Variants in OLFML2B observed in about 807,000 individuals in gnomAD.
OLFML2B encodes the protein olfactomedin like 2B, also known as olfactomedin-like protein 2B.
OLFML2B carries 57 observed loss-of-function variants against 74.9 expected under a neutral mutation model. That is an observed-to-expected ratio of 0.76 (90% CI 0.61 to 0.95). The LOEUF is 0.95. Ranked by LOEUF, OLFML2B falls within the 40% of genes least tolerant of loss-of-function variation. OLFML2B has a pLI of 0.00. For synonymous variants in OLFML2B, 388 were observed against 405.8 expected (o/e 0.96, Z 0.53); for missense variants, 986 against 970.6 (o/e 1.02, Z -0.21).
Position 161,998,318 on chromosome 1 carries a change from C to T in OLFML2B, c.981G>A (p.Val327=). Residue 327 remains valine, a synonymous_variant, in exon 6 of 8, where the codon GTG becomes GTA. Coordinates refer to ENST00000294794, the MANE Select transcript of OLFML2B (RefSeq NM_015441.3). ...QDEFFSGDNG[V]DLLIEDQLLR... is the part of the protein sequence containing the mutation. ...GGAGCTGATCTTCAATCAGCAAATC[C>T]ACTCCATTGTCACCGCTGAAAAACT... 1 of 1,573,978 alleles carries T rather than the reference C, an allele frequency of 6.4e-7. No individual in the cohort carries two copies. Among genetic ancestry groups the T allele is most frequent in the Non-Finnish European group, 8.7e-7 (1 of 1,154,164 alleles).
rs763070359 is a variant in OLFML2B at position 161,984,251 on chromosome 1, G to C, written c.1677C>G (p.Leu559=). ...KQGRWSNSYK[L]PYSWIGTGHV... is the part of the protein sequence containing the mutation. ...GGCCTGTGCCGATCCAGCTGTACGG[G>C]AGCTTGTAGGAATTGCTCCAGCGAC... Residue 559 remains leucine (L), a synonymous_variant, in exon 8 of 8, where the codon CTC becomes CTG. Coordinates refer to ENST00000294794, the MANE Select transcript of OLFML2B (RefSeq NM_015441.3). 1 of 1,522,352 alleles carries C rather than the reference G, an allele frequency of 6.6e-7. No individual in the cohort carries two copies. The highest frequency in any genetic ancestry group is 1.4e-5 in the African/African-American group (1 of 72,004). The allele number at this position is 1,522,352 out of a possible 1,614,324, so 94.3% of individuals were successfully genotyped here. A position where few individuals can be genotyped will look rare whatever the true frequency, so the allele number is the denominator to read the frequency against.
rs1456559671 is a variant in OLFML2B, at chr1:162,000,191, A to G, written c.871T>C (p.Ser291Pro). 6.2e-7 allele frequency: 1 copy of G among 1,613,616 alleles called. No homozygotes were observed. Among genetic ancestry groups the G allele is most frequent in the African/African-American group, 1.3e-5 (1 of 75,010 alleles). Residue 291 changes from serine to proline, a missense_variant, in exon 5 of 8, where the codon TCC becomes CCC. Coordinates refer to ENST00000294794, the MANE Select transcript of OLFML2B (RefSeq NM_015441.3). Reference sequence around the variant, plus strand: ...ATGCCCCGGATGACAGTGGGCTGGGAGGCCGGCCGGCCTCTCAGGTGGACC... The same window carrying G: ...ATGCCCCGGATGACAGTGGGCTGGGGGGCCGGCCGGCCTCTCAGGTGGACC... The part of the protein sequence containing the change: ...RQVHLRGRPA[S>P]QPTVIRGITY...
Position 161,998,202 on chromosome 1 carries a change from G to C in OLFML2B, c.1097C>G (p.Ala366Gly). ...HSTAVTSDLN[A>G]RTAPWSSALP... ...TGCTGAGGACCAGGGTGCGGTCCGA[G>C]CGTTCAGGTCGCTTGTCACAGCAGT... Residue 366 changes from alanine to glycine, a missense_variant, in exon 6 of 8, where the codon GCT (alanine) becomes GGT (glycine). Transcript: ENST00000294794. 6.2e-7 allele frequency: 1 copy of C among 1,614,094 alleles called. No homozygotes were observed.
intron 3 of OLFML2B, among the ~76,000 whole-genome samples, chr1:162,008,563 T>A (rs1250582314): frequency 6.6e-6 from 1 of 152,218 alleles, no homozygotes; most frequent in African/African-American, 2.4e-5. Context: ...TCAGGATACA[T>A]GACAGGATAT....
At chr1:161,995,618 G>A (rs1689873912) in intron 6 of OLFML2B, among the ~76,000 whole-genome samples, 1 of 152,196 alleles carries the variant, frequency 6.6e-6, no homozygotes, top group African/African-American at 2.4e-5. Context: ...GACCCAGGTT[G>A]GTAGGTTATG....
At position 162,000,234 on chromosome 1, in the gene OLFML2B, C is replaced by G. The variant is rs944465885; in HGVS notation, c.828G>C (p.Gln276His). The change falls in exon 5 of 8, where the codon CAG (glutamine) becomes CAC (histidine). Residue 276 changes from glutamine to histidine, a missense_variant. Coordinates refer to ENST00000294794, the MANE Select transcript of OLFML2B (RefSeq NM_015441.3). Reference sequence around the variant, plus strand: ...GGTGGACCTGCCTCTGCAGGGGCCGCTGTGACTTCACCACCTCAGGCAGAG... The same window carrying G: ...GGTGGACCTGCCTCTGCAGGGGCCGGTGTGACTTCACCACCTCAGGCAGAG... ...PLALPEVVKS[Q>H]RPLQRQVHLR... 1.9e-6 allele frequency: 3 copies of G among 1,613,820 alleles called. No individual in the cohort carries two copies. In the African/African-American group the frequency reaches 4.0e-5, roughly 22 times the overall value.
At chr1:161,991,596 C>T (rs1348973902) in intron 6 of OLFML2B, among the ~76,000 whole-genome samples, 5 of 152,116 alleles carry the variant, frequency 3.3e-5, no homozygotes, top group African/African-American at 7.2e-5. Flanking sequence ...ATTAGCTGGG[C>T]GTGGTAGCAT....
Position 162,023,367 on chromosome 1 carries a change from T to C in OLFML2B, c.64A>G (p.Ser22Gly). 5.0e-6 allele frequency: 8 copies of C among 1,606,296 alleles called. No homozygotes were observed. Among genetic ancestry groups the C allele is most frequent in the South Asian group, 1.1e-5 (1 of 90,416 alleles). The change falls in exon 1 of 8, where the codon AGC (serine) becomes GGC (glycine). Residue 22 changes from serine to glycine, a missense_variant. Physicochemically the swap from Ser to Gly is moderately conservative, Grantham distance 56 (BLOSUM62 0). Transcript: ENST00000294794. Reference sequence around the variant, plus strand: ...TCGCTTGTCCCTGTGAGGACAATGCTGGACACCCAGGCCGGAACCACAATC... The same window carrying C: ...TCGCTTGTCCCTGTGAGGACAATGCCGGACACCCAGGCCGGAACCACAATC... ...ALIVVPAWVS[S>G]IVLTGTSEPP...
At chr1:161,994,099 G>A (rs997747229) in intron 6 of OLFML2B, among the ~76,000 whole-genome samples, 1 of 152,214 alleles carries the variant, frequency 6.6e-6, no homozygotes, top group Non-Finnish European at 1.5e-5. Flanking sequence ...TACGATGACT[G>A]GATTTCCAGT....
At chr1:162,007,708 C>T (rs1690271837) in intron 3 of OLFML2B, among the ~76,000 whole-genome samples, 1 of 152,212 alleles carries the variant, frequency 6.6e-6, no homozygotes, top group African/African-American at 2.4e-5. Flanking sequence ...CCCAGTAGTG[C>T]AGAGCCAGAG....
chr1:161,987,420 C>A (rs1273002050), intron 6 of OLFML2B, among the ~76,000 whole-genome samples: 4 of 152,076 alleles, frequency 2.6e-5, no homozygotes, highest in Non-Finnish European at 5.9e-5. Flanking sequence ...CACAAGTATC[C>A]TTATGACACA....
chr1:161,987,526 C>T (rs1689623339), intron 6 of OLFML2B, among the ~76,000 whole-genome samples: 1 of 152,162 alleles, frequency 6.6e-6, no homozygotes, highest in Non-Finnish European at 1.5e-5. Flanking sequence ...AGAATGCTGG[C>T]AGCCATGAGA....
chr1:162,007,386 G>C (rs1690264200), intron 3 of OLFML2B, among the ~76,000 whole-genome samples: 1 of 152,128 alleles, frequency 6.6e-6, no homozygotes, highest in South Asian at 2.1e-4. Context: ...ACACTGAATG[G>C]GATTTAAATC....
chr1:161,998,274 A>G lies in OLFML2B; in HGVS notation c.1025T>C (p.Met342Thr), dbSNP rs1558058597. 4 of 1,605,686 alleles carry G rather than the reference A, an allele frequency of 2.5e-6. No homozygotes were observed. The African/African-American group carries it at 4.0e-5, about 16-fold the overall frequency. The change falls in exon 6 of 8, where the codon ATG becomes ACG. Residue 342 changes from methionine to threonine, a missense_variant. Met to Thr is a moderately conservative substitution (Grantham distance 81, BLOSUM62 -1). Transcript: ENST00000294794. Reference protein sequence around the residue: ...EDQLLRHNGLMTSVTRRPAAT... With the variant: ...EDQLLRHNGLTTSVTRRPAAT... ...TGCAGGCCTCCGGGTGACACTGGTCATCAGGCCGTTGTGTCTCAGGAGCTG... is the reference window on the plus strand; with the variant it reads ...TGCAGGCCTCCGGGTGACACTGGTCGTCAGGCCGTTGTGTCTCAGGAGCTG...
intron 4 of OLFML2B, among the ~76,000 whole-genome samples, chr1:162,000,975 C>G (rs890626936): frequency 2.0e-5 from 3 of 152,186 alleles, no homozygotes; most frequent in Non-Finnish European, 2.9e-5. Context: ...TCTCTTGTTG[C>G]GTGCCCTGCA....
chr1:162,009,485 C>T (rs775305699), intron 3 of OLFML2B, among the ~76,000 whole-genome samples: 1 of 152,172 alleles, frequency 6.6e-6, no homozygotes, highest in Non-Finnish European at 1.5e-5. Context: ...TTTCTAGGGC[C>T]CTAGGGAGTC....
chr1:162,001,584 C>T (rs958728806), intron 4 of OLFML2B, among the ~76,000 whole-genome samples: 1 of 152,184 alleles, frequency 6.6e-6, no homozygotes, highest in African/African-American at 2.4e-5. Flanking sequence ...CGTGAAAGAA[C>T]AACAAACATT....
At chr1:162,018,962 A>G (rs935136717) in intron 2 of OLFML2B, among the ~76,000 whole-genome samples, 3 of 152,226 alleles carry the variant, frequency 2.0e-5, no homozygotes, top group African/African-American at 7.2e-5. Flanking sequence ...GAATTCCCCC[A>G]GAGTCTAATC....
chr1:162,020,669 G>A, intron 1 of OLFML2B, among the ~76,000 whole-genome samples: 1 of 151,984 alleles, frequency 6.6e-6, no homozygotes, highest in East Asian at 1.9e-4. Flanking sequence ...TGGGATTATA[G>A]GCACATGCTA....
Sources: allele counts gnomAD v4.1 joint callset (sites outside exome capture counted in the v4.1 genomes callset), GRCh38; gene constraint gnomAD v4.1.1; transcripts MANE v1.5; gene names NCBI Gene and HGNC (gene_info 2026-07-23, HGNC 2026-07-21).